The following USP9X variants were observed in gnomAD, a reference collection of about 807,000 sequenced individuals.
USP9X encodes ubiquitin carboxyl-terminal hydrolase 9X.
Under a neutral mutation model 190.3 loss-of-function variants are expected in USP9X, and 7 were observed. The observed-to-expected ratio is 0.04, with a 90% confidence interval of 0.02 to 0.07. The LOEUF is 0.07. USP9X is among the 10% of genes least tolerant of loss of function. USP9X has a pLI of 1.00. For missense variants in USP9X, 1,010 were observed against 1,916.9 expected (o/e 0.53, Z 8.83); for synonymous variants, 645 against 659.5 (o/e 0.98, Z 0.34).
rs1221795146 is a variant in USP9X, at chrX:41,201,407, G to A, written c.4824+127G>A. 7.7e-6 allele frequency: 5 copies of A among 647,553 alleles called. No individual in the cohort carries two copies. In the South Asian group the frequency reaches 8.4e-5, roughly 11 times the overall value. 53.4% of individuals were successfully genotyped at this position (647,553 alleles called of 1,213,427 possible). A position where few individuals can be genotyped will look rare whatever the true frequency, so the allele number is the denominator to read the frequency against. ...TATATTTGAAAGTTAGGGATGGGCC[G>A]AGCACACACCTGTGGTCTCAGCTAC... On this transcript the variant is annotated intron_variant, in intron 31 of 44. Transcript: ENST00000378308.
chrX:41,128,234 A>G (rs891282143), intron 2 of USP9X, among the ~76,000 whole-genome samples: 1 of 112,274 alleles, frequency 8.9e-6, no homozygotes, highest in Non-Finnish European at 1.9e-5. Context: ...TTTATAATGT[A>G]TAAAATGTGA....
At position 41,170,094 on chromosome X, in the gene USP9X, T is replaced by C; in HGVS notation, c.2736T>C (p.Ile912=). 1 of 1,211,657 alleles carries C rather than the reference T, an allele frequency of 8.3e-7. No individual in the cohort carries two copies. The highest frequency in any genetic ancestry group is 1.8e-5 in the South Asian group (1 of 57,001). Residue 912 remains isoleucine, a synonymous_variant, in exon 19 of 45, where the codon ATT becomes ATC. Coordinates refer to ENST00000378308, the MANE Select transcript of USP9X (RefSeq NM_001039591.3). ...LEVWSHTNDT[I]GSVRRCILNR... is the part of the protein sequence containing the mutation. ...TATGGTCTCATACAAATGATACAATTGGTTCAGTACGACGATGTATTCTCA... is the reference window on the plus strand; with the variant it reads ...TATGGTCTCATACAAATGATACAATCGGTTCAGTACGACGATGTATTCTCA...
At chrX:41,143,071 T>C (rs564970788) in intron 9 of USP9X, among the ~76,000 whole-genome samples, 2 of 111,610 alleles carry the variant, frequency 1.8e-5, no homozygotes, top group African/African-American at 6.5e-5. Context: ...GTGTAGAATC[T>C]TCTTAATTTC....
chrX:41,182,892 C>CTA (rs764300021), intron 21 of USP9X, among the ~76,000 whole-genome samples: 23 of 109,112 alleles, frequency 2.1e-4, no homozygotes, highest in Admixed American at 1.6e-3. Flanking sequence ...ATAATGGCTG[C>CTA]TATTTCTAGG....
intron 14 of USP9X, among the ~76,000 whole-genome samples, chrX:41,161,329 C>CCTTTT (rs1490069176): frequency 9.2e-5 from 3 of 32,484 alleles, no homozygotes; most frequent in African/African-American, 3.0e-4. Flanking sequence ...GAATTCTTGC[C>CCTTTT]TTTTTTTTTT....
intron 1 of USP9X, among the ~76,000 whole-genome samples, chrX:41,101,804 A>T (rs2062036479): frequency 8.9e-6 from 1 of 112,988 alleles, no homozygotes; most frequent in African/African-American, 3.2e-5. Context: ...CAAGTGATGA[A>T]TGCATAAATA....
intron 33 of USP9X, among the ~76,000 whole-genome samples, chrX:41,213,770 A>G (rs7876775): frequency 0.14 from 15,540 of 111,818 alleles, 983 homozygotes; most frequent in East Asian, 0.22. Flanking sequence ...TTATATAGTA[A>G]AAATTTGCTT....
rs575381291 is a variant in USP9X, at chrX:41,115,967, G to C, written c.-158-7504G>C. Among the ~76,000 whole-genome samples, 44 of 111,940 alleles carry C rather than the reference G, an allele frequency of 3.9e-4. No individual in the cohort carries two copies. In the South Asian group the frequency reaches 0.016, roughly 42 times the overall value. On this transcript the variant is annotated intron_variant, in intron 1 of 44. Transcript: ENST00000378308. ...GGGATTTCTCTGGTATTAAGGCCCT[G>C]TGTGAAAGCTGCTGGAGAAATTCAG...
At chrX:41,193,655 C>A (rs748137289) in intron 26 of USP9X, among the ~76,000 whole-genome samples, 10 of 111,309 alleles carry the variant, frequency 9.0e-5, no homozygotes, top group Non-Finnish European at 1.5e-4. Flanking sequence ...CAGAACGAGA[C>A]CCAGTCTCAA....
intron 2 of USP9X, among the ~76,000 whole-genome samples, chrX:41,126,737 T>C (rs1569159338): frequency 8.9e-6 from 1 of 111,887 alleles, no homozygotes; most frequent in African/African-American, 3.2e-5. Flanking sequence ...TTCTCTACTT[T>C]TTAATGTTAG....
At chrX:41,210,037 AAAAT>A (rs1289933047) in intron 32 of USP9X, among the ~76,000 whole-genome samples, 1 of 112,151 alleles carries the variant, frequency 8.9e-6, no homozygotes, top group Non-Finnish European at 1.9e-5. Context: ...ACTTGGGAAA[AAAAT>A]AAATTTAAGA....
intron 1 of USP9X, among the ~76,000 whole-genome samples, chrX:41,112,121 A>G (rs1367528131): frequency 8.9e-6 from 1 of 112,579 alleles, no homozygotes; most frequent in Non-Finnish European, 1.9e-5. Context: ...CTGGGATTAC[A>G]GGCGTCAGCC....
chrX:41,100,220 A>G (rs750912319), intron 1 of USP9X, among the ~76,000 whole-genome samples: 5 of 112,445 alleles, frequency 4.4e-5, no homozygotes, highest in Non-Finnish European at 7.5e-5. Flanking sequence ...ACAGGTAACA[A>G]TCACTAACAC....
At chrX:41,178,908 T>C (rs1271676676) in intron 21 of USP9X, among the ~76,000 whole-genome samples, 3 of 112,200 alleles carry the variant, frequency 2.7e-5, no homozygotes, top group African/African-American at 6.5e-5. Context: ...AATAGGGGTT[T>C]AGTTTCATTT....
chrX:41,136,891 G>T lies in USP9X; in HGVS notation c.523G>T (p.Ala175Ser). ...CTGGTTTCCACTTTTAGAACTTCTT[G>T]CCATGGCCTTAAATCCTCATTGCAA... ...QDWFPLLELLAMALNPHCKFH... is the reference protein window; with the variant it reads ...QDWFPLLELLSMALNPHCKFH... Residue 175 changes from alanine (A) to serine (S), a missense_variant, in exon 6 of 45, where the codon GCC (alanine) becomes TCC (serine). By Grantham distance (99) the Ala-to-Ser change is moderately conservative (BLOSUM62 1). Around this residue, in one of 11 missense-constraint regions of USP9X, gnomAD observed 176 missense variants for 247.5 expected, o/e 0.71. Coordinates refer to ENST00000378308, the MANE Select transcript of USP9X (RefSeq NM_001039591.3). 1 of 1,211,231 alleles carries T rather than the reference G, an allele frequency of 8.3e-7. No homozygotes were observed. Among genetic ancestry groups the T allele is most frequent in the Non-Finnish European group, 1.1e-6 (1 of 895,192 alleles).
intron 21 of USP9X, among the ~76,000 whole-genome samples, chrX:41,178,265 T>C (rs138883284): frequency 5.6e-5 from 6 of 107,391 alleles, no homozygotes; most frequent in African/African-American, 2.0e-4. Flanking sequence ...CATGCCCGGC[T>C]AATTATTATA....
chrX:41,148,010 A>G (rs1164542039), intron 11 of USP9X, among the ~76,000 whole-genome samples: 2 of 111,084 alleles, frequency 1.8e-5, no homozygotes, highest in Non-Finnish European at 3.8e-5. Context: ...CTTTTCCCAT[A>G]TTGCTTAGCA....
chrX:41,186,403 T>C (rs756441686), intron 23 of USP9X, 114 bp from the exon 24 acceptor site: 337 of 856,258 alleles, frequency 3.9e-4, no homozygotes, highest in Non-Finnish European at 5.4e-4. Flanking sequence ...GGTTCTATAA[T>C]GTGTATATGC....
intron 13 of USP9X, among the ~76,000 whole-genome samples, chrX:41,151,778 C>T (rs1250302277): frequency 3.6e-5 from 4 of 112,472 alleles, no homozygotes; most frequent in African/African-American, 6.5e-5. Context: ...GCCAGGAGTT[C>T]GAGACCAGCC....
Sources: gnomAD v4.1 joint callset for allele counts (sites outside exome capture counted in the v4.1 genomes callset) on GRCh38, gnomAD v4.1.1 for gene constraint, gnomAD v4.1.1 regional missense constraint, MANE v1.5 for transcripts, NCBI Gene and HGNC (gene_info 2026-07-23, HGNC 2026-07-21) for gene names.